Variants in TRPC5 observed in about 807,000 individuals in gnomAD.
TRPC5 encodes the protein short transient receptor potential channel 5.
In TRPC5, 9 loss-of-function variants were observed where a neutral mutation model predicts 56.5. That is an observed-to-expected ratio of 0.16 (90% CI 0.10 to 0.28). The LOEUF is 0.28. TRPC5 is among the 10% of genes least tolerant of loss of function. TRPC5 has a pLI of 1.00. For synonymous variants in TRPC5, 282 were observed against 278.5 expected (o/e 1.01, Z -0.13); for missense variants, 469 against 748.9 (o/e 0.63, Z 4.36).
chrX:111,777,444 G>A (rs1945887889), intron 10 of TRPC5, among the ~76,000 whole-genome samples: 1 of 110,012 alleles, frequency 9.1e-6, no homozygotes, highest in South Asian at 3.9e-4. Flanking sequence ...GAGACAGGGG[G>A]CCCTGTTCAA....
chrX:111,949,693 A>G (rs778423273), intron 2 of TRPC5, among the ~76,000 whole-genome samples: 119 of 111,747 alleles, frequency 1.1e-3, no homozygotes, highest in Non-Finnish European at 1.3e-3. Flanking sequence ...TAAAAAAAAT[A>G]GTAGATGTTG....
chrX:111,905,581 C>A (rs767264880), intron 3 of TRPC5, among the ~76,000 whole-genome samples: 65 of 111,862 alleles, frequency 5.8e-4, no homozygotes, highest in Non-Finnish European at 7.7e-4. Context: ...TCACTGAAGT[C>A]TTATACCTGG....
At chrX:111,997,804 C>T (rs770983475) in intron 1 of TRPC5, among the ~76,000 whole-genome samples, 9 of 110,407 alleles carry the variant, frequency 8.2e-5, no homozygotes, top group East Asian at 2.9e-4. Flanking sequence ...CTTGTGCATG[C>T]GTCACGAAGT....
chrX:111,841,257 G>C (rs897551977), intron 6 of TRPC5, among the ~76,000 whole-genome samples: 6 of 112,195 alleles, frequency 5.3e-5, no homozygotes, highest in Non-Finnish European at 7.5e-5. Context: ...TCATGGCTCT[G>C]TCCTTTTTCG....
intron 1 of TRPC5, among the ~76,000 whole-genome samples, chrX:112,034,338 G>A (rs1344357053): frequency 1.0e-5 from 1 of 97,460 alleles, no homozygotes. Flanking sequence ...TTTAGTTTTT[G>A]GTATAACACT....
At chrX:112,018,930 T>A (rs995599270) in intron 1 of TRPC5, among the ~76,000 whole-genome samples, 4 of 112,217 alleles carry the variant, frequency 3.6e-5, no homozygotes, top group African/African-American at 1.3e-4. Flanking sequence ...GCCATGTGGC[T>A]CCCAAAGGCA....
At chrX:111,897,435 T>A (rs1435111696) in intron 3 of TRPC5, among the ~76,000 whole-genome samples, 2 of 111,120 alleles carry the variant, frequency 1.8e-5, no homozygotes, top group Non-Finnish European at 3.8e-5. Flanking sequence ...TAGAGTACCA[T>A]TCAATGAGTT....
chrX:111,913,267 A>G (rs1603095614), intron 2 of TRPC5, among the ~76,000 whole-genome samples: 1 of 110,831 alleles, frequency 9.0e-6, no homozygotes, highest in Middle Eastern at 4.3e-3. Flanking sequence ...ATTTTTCCTG[A>G]CCTCCTGGAG....
intron 3 of TRPC5, among the ~76,000 whole-genome samples, chrX:111,878,640 C>T (rs1924067672): frequency 9.0e-6 from 1 of 111,554 alleles, no homozygotes; most frequent in Non-Finnish European, 1.9e-5. Context: ...CACCTCCCCT[C>T]AATCGTGACA....
intron 5 of TRPC5, 136 bp downstream of exon 5, chrX:111,852,162 G>T: frequency 1.6e-6 from 1 of 610,089 alleles, no homozygotes; most frequent in Non-Finnish European, 2.5e-6. Flanking sequence ...AAGAATGTCT[G>T]TTTATATGGT....
At chrX:112,044,981 G>T (rs975793181) in intron 1 of TRPC5, among the ~76,000 whole-genome samples, 7 of 112,011 alleles carry the variant, frequency 6.2e-5, no homozygotes, top group African/African-American at 2.3e-4. Context: ...CATTTAACTT[G>T]TTTGTGCCAC....
chrX:112,066,883 T>C (rs975148149), intron 1 of TRPC5, among the ~76,000 whole-genome samples: 4 of 112,548 alleles, frequency 3.6e-5, no homozygotes, highest in Middle Eastern at 4.2e-3. Context: ...TGTTCATACA[T>C]GATCTTCCCC....
At chrX:111,855,921 T>C (rs1346340494) in intron 3 of TRPC5, among the ~76,000 whole-genome samples, 1 of 111,972 alleles carries the variant, frequency 8.9e-6, no homozygotes, top group African/African-American at 3.2e-5. Flanking sequence ...GATATGAACA[T>C]GGCATAATGG....
chrX:111,808,479 C>A, intron 7 of TRPC5, among the ~76,000 whole-genome samples: 1 of 111,162 alleles, frequency 9.0e-6, no homozygotes. Context: ...CACTCAAGGG[C>A]CAATGACCCT....
intron 1 of TRPC5, among the ~76,000 whole-genome samples, chrX:111,989,663 A>G (rs1381351705): frequency 2.7e-5 from 3 of 111,978 alleles, no homozygotes; most frequent in Non-Finnish European, 3.8e-5. Context: ...CAACTTCTCT[A>G]TGCAGTTCTC....
At chrX:111,915,395 T>G (rs1371910360) in intron 2 of TRPC5, among the ~76,000 whole-genome samples, 1 of 111,733 alleles carries the variant, frequency 8.9e-6, no homozygotes, top group East Asian at 2.8e-4. Flanking sequence ...CCGCCCAGAC[T>G]GCTTTTTCTC....
At chrX:111,900,942 T>C (rs1603088044) in intron 3 of TRPC5, among the ~76,000 whole-genome samples, 1 of 110,999 alleles carries the variant, frequency 9.0e-6, no homozygotes, top group East Asian at 2.8e-4. Flanking sequence ...ACTCAGAAAG[T>C]GGGTTTGCAA....
At chrX:111,902,369 C>G (rs370928708) in intron 3 of TRPC5, 56 of 329,524 alleles carry the variant, frequency 1.7e-4, no homozygotes, top group African/African-American at 1.3e-3. Flanking sequence ...CTTTTTTCAT[C>G]TTTGTTGTTA....
chrX:112,074,896 C>T (rs1016412751), intron 1 of TRPC5, among the ~76,000 whole-genome samples: 4 of 112,418 alleles, frequency 3.6e-5, no homozygotes, highest in Admixed American at 9.4e-5. Context: ...TTGTTTCTAT[C>T]CTTCCAACTA....
Sources: gnomAD v4.1 joint callset for allele counts (sites outside exome capture counted in the v4.1 genomes callset) on GRCh38, gnomAD v4.1.1 for gene constraint, MANE v1.5 for transcripts, NCBI Gene and HGNC (gene_info 2026-07-23, HGNC 2026-07-21) for gene names.